Variants in SLC16A9 observed in about 807,000 individuals in gnomAD.
SLC16A9 encodes solute carrier family 16 member 9, also known as monocarboxylate transporter 9.
A neutral mutation model predicts 44.3 loss-of-function variants in SLC16A9; 26 were observed. The ratio of observed to expected loss-of-function variants is 0.59; its 90% CI spans 0.43 to 0.81. The LOEUF (loss-of-function observed/expected upper bound fraction) is 0.81. Ranked by LOEUF, SLC16A9 falls within the 40% of genes least tolerant of loss-of-function variation. SLC16A9 has a pLI of 0.00. For synonymous variants in SLC16A9, 230 were observed against 225.1 expected (o/e 1.02, Z -0.19); for missense variants, 559 against 595.8 (o/e 0.94, Z 0.64).
intron 3 of SLC16A9, among the ~76,000 whole-genome samples, chr10:59,668,624 T>C (rs755116090): frequency 6.6e-6 from 1 of 152,210 alleles, no homozygotes; most frequent in Non-Finnish European, 1.5e-5. Context: ...AGTTTATTTA[T>C]CTGTAAAACA....
Position 59,652,783 on chromosome 10 carries a change from A to G in SLC16A9, c.1519T>C (p.Ser507Pro). ...CTTCCAATATTCTTCTAAACATTAG[A>G]GGCAACTTTGTACAAGAAAGTTGTT... The part of the protein sequence containing the change: ...APTTFLYKVA[S>P]NV Residue 507 changes from serine to proline, a missense_variant, in exon 6 of 6, where the codon TCT (serine) becomes CCT (proline). By Grantham distance (74) the Ser-to-Pro change is moderately conservative. Coordinates refer to ENST00000395348, the MANE Select transcript of SLC16A9 (RefSeq NM_194298.3). The G allele has an allele frequency of 6.2e-7, 1 of 1,610,626 alleles. No individual in the cohort carries two copies. The highest frequency in any genetic ancestry group is 8.5e-7 in the Non-Finnish European group (1 of 1,178,938).
At chr10:59,681,431 A>G (rs56368770) in intron 2 of SLC16A9, among the ~76,000 whole-genome samples, 3 of 85,902 alleles carry the variant, frequency 3.5e-5, no homozygotes, top group African/African-American at 1.2e-4. Context: ...ATGTATATGT[A>G]TATGATGTAT....
chr10:59,684,446 G>A (rs1840090099), intron 1 of SLC16A9, 119 bp from the exon 2 acceptor site: 13 of 474,892 alleles, frequency 2.7e-5, no homozygotes, highest in South Asian at 1.2e-4. Flanking sequence ...AGACATACAT[G>A]GAAAAGCATA....
At chr10:59,693,161 C>A (rs1052362468) in intron 1 of SLC16A9, among the ~76,000 whole-genome samples, 13 of 152,340 alleles carry the variant, frequency 8.5e-5, no homozygotes, top group African/African-American at 3.1e-4. Context: ...TGTCAACACA[C>A]TTATAACTGA....
chr10:59,690,396 G>A (rs1435631878), intron 1 of SLC16A9, among the ~76,000 whole-genome samples: 4 of 152,130 alleles, frequency 2.6e-5, no homozygotes, highest in South Asian at 2.1e-4. Flanking sequence ...AAAAGAGTAC[G>A]TACACGATTG....
chr10:59,701,347 A>C (rs1168453427), intron 1 of SLC16A9, among the ~76,000 whole-genome samples: 1 of 152,188 alleles, frequency 6.6e-6, no homozygotes, highest in East Asian at 1.9e-4. Context: ...GCATCTGCCG[A>C]GCTGCTCCCA....
At chr10:59,705,242 T>C (rs542933528) in intron 1 of SLC16A9, among the ~76,000 whole-genome samples, 2 of 151,154 alleles carry the variant, frequency 1.3e-5, no homozygotes, top group Non-Finnish European at 2.9e-5. Flanking sequence ...TTAATCCAAA[T>C]GATGAAAATT....
At chr10:59,692,836 G>T (rs1045386819) in intron 1 of SLC16A9, among the ~76,000 whole-genome samples, 1 of 152,142 alleles carries the variant, frequency 6.6e-6, no homozygotes, top group South Asian at 2.1e-4. Flanking sequence ...ACAAAAAAAT[G>T]TAGGTAAACA....
At chr10:59,684,930 C>T (rs912328026) in intron 1 of SLC16A9, among the ~76,000 whole-genome samples, 4 of 152,136 alleles carry the variant, frequency 2.6e-5, no homozygotes, top group Non-Finnish European at 4.4e-5. Flanking sequence ...AGGCGGCTCC[C>T]TTCAAAGGAG....
intron 3 of SLC16A9, 41 bp from the exon 4 acceptor site, chr10:59,664,363 T>TG: frequency 7.3e-7 from 1 of 1,371,134 alleles, no homozygotes; most frequent in Non-Finnish European, 1.0e-6. Flanking sequence ...GACGCTGCAT[T>TG]ACTTCAATGC....
At chr10:59,709,176 C>A (rs1357220978) in intron 1 of SLC16A9, among the ~76,000 whole-genome samples, 1 of 152,152 alleles carries the variant, frequency 6.6e-6, no homozygotes, top group East Asian at 1.9e-4. Flanking sequence ...TCTGGGGGGC[C>A]ACCGTACCAC....
intron 1 of SLC16A9, among the ~76,000 whole-genome samples, chr10:59,698,978 A>G (rs1840462218): frequency 6.6e-6 from 1 of 152,176 alleles, no homozygotes; most frequent in African/African-American, 2.4e-5. Flanking sequence ...TCCTGACCTC[A>G]GTTGATCTGT....
At chr10:59,679,516 C>A (rs1358450588) in intron 2 of SLC16A9, among the ~76,000 whole-genome samples, 1 of 152,162 alleles carries the variant, frequency 6.6e-6, no homozygotes, top group African/African-American at 2.4e-5. Flanking sequence ...GCTACAATTA[C>A]AAGCAGAATT....
In SLC16A9 at chr10:59,684,111, C is replaced by G; in HGVS notation, c.181G>C (p.Val61Leu). ...TAWVGSLASG[V>L]GLLASPVCSL... ...ATCCACTTACTTGCAAGCAAGCCAA[C>G]TCCACTTGCCAGGGATCCAACCCAG... The change falls in exon 2 of 6, where the codon GTT (valine) becomes CTT (leucine). Residue 61 changes from valine (V) to leucine (L), a missense_variant. By Grantham distance (32) the Val-to-Leu change is conservative (BLOSUM62 1). Coordinates refer to ENST00000395348, the MANE Select transcript of SLC16A9 (RefSeq NM_194298.3). The G allele has an allele frequency of 6.2e-7, 1 of 1,612,586 alleles. No homozygotes were observed. The highest frequency in any genetic ancestry group is 8.5e-7 in the Non-Finnish European group (1 of 1,179,196).
intron 1 of SLC16A9, among the ~76,000 whole-genome samples, chr10:59,686,084 G>C (rs1048589447): frequency 1.3e-5 from 2 of 151,190 alleles, no homozygotes; most frequent in Non-Finnish European, 2.9e-5. Flanking sequence ...TATAAATGTC[G>C]TGTACCGTTT....
At chr10:59,684,766 C>A (rs1214975777) in intron 1 of SLC16A9, among the ~76,000 whole-genome samples, 3 of 152,168 alleles carry the variant, frequency 2.0e-5, no homozygotes, top group African/African-American at 7.2e-5. Context: ...AGATCAGCTG[C>A]AGATAACCTT....
chr10:59,653,642 T>TA (rs752215521), intron 5 of SLC16A9, 33 bp downstream of exon 5: 18 of 1,569,606 alleles, frequency 1.1e-5, no homozygotes, highest in Non-Finnish European at 1.6e-5. Flanking sequence ...GGAAGAACAG[T>TA]AAAATGGGAT....
At chr10:59,697,932 C>T (rs1840434546) in intron 1 of SLC16A9, among the ~76,000 whole-genome samples, 1 of 137,468 alleles carries the variant, frequency 7.3e-6, no homozygotes, top group African/African-American at 2.6e-5. Flanking sequence ...GAGTGGGTTG[C>T]AAATTCAAAG....
At chr10:59,692,747 A>G (rs1261247638) in intron 1 of SLC16A9, among the ~76,000 whole-genome samples, 1 of 152,212 alleles carries the variant, frequency 6.6e-6, no homozygotes, top group Non-Finnish European at 1.5e-5. Flanking sequence ...CCAAACATGT[A>G]TCATTTATTC....
Sources: allele counts gnomAD v4.1 joint callset (sites outside exome capture counted in the v4.1 genomes callset), GRCh38; gene constraint gnomAD v4.1.1; transcripts MANE v1.5; gene names NCBI Gene and HGNC (gene_info 2026-07-23, HGNC 2026-07-21).